Variants in GPHN observed in about 807,000 individuals in gnomAD.
GPHN encodes the protein gephyrin.
Under a neutral mutation model 95.5 loss-of-function variants are expected in GPHN, and 17 were observed. The ratio of observed to expected loss-of-function variants is 0.18; its 90% CI spans 0.12 to 0.27. GPHN has a LOEUF of 0.27. GPHN is among the 10% of genes least tolerant of loss of function. GPHN has a pLI of 1.00. For missense variants in GPHN, 660 were observed against 978.1 expected (o/e 0.67, Z 4.34); for synonymous variants, 320 against 322.5 (o/e 0.99, Z 0.08).
the GPHN span, among the ~76,000 whole-genome samples, chr14:67,191,139 C>T: frequency 2.0e-4 from 31 of 152,302 alleles, 1 homozygote; most frequent in Admixed American, 1.8e-3. Context: ...GAGGCTGAAG[C>T]ATGAGAATCA....
intron 1 of GPHN, among the ~76,000 whole-genome samples, chr14:66,562,546 G>T (rs2060303492): frequency 6.6e-6 from 1 of 152,136 alleles, no homozygotes; most frequent in Admixed American, 6.6e-5. Context: ...ACACAGGAGA[G>T]TACTCAATGA....
At chr14:67,089,826 G>A (rs1489402562) in intron 12 of GPHN, among the ~76,000 whole-genome samples, 1 of 152,090 alleles carries the variant, frequency 6.6e-6, no homozygotes, top group Non-Finnish European at 1.5e-5. Flanking sequence ...AAGCTTAAAA[G>A]CAAATACTAA....
At chr14:67,552,481 G>A in the GPHN span, among the ~76,000 whole-genome samples, 1 of 152,214 alleles carries the variant, frequency 6.6e-6, no homozygotes, top group Non-Finnish European at 1.5e-5. Flanking sequence ...TGGATAAGAA[G>A]GACTGGCTGG....
the GPHN span, among the ~76,000 whole-genome samples, chr14:67,465,379 G>A: frequency 1.5e-5 from 2 of 129,990 alleles, no homozygotes; most frequent in Non-Finnish European, 3.7e-5. Flanking sequence ...ATGGCACAGG[G>A]CTGGGGCAGA....
the GPHN span, chr14:67,336,456 A>G: frequency 4.7e-6 from 1 of 210,620 alleles, no homozygotes. Context: ...TATTTTAACA[A>G]GGCCAATACA....
the GPHN span, among the ~76,000 whole-genome samples, chr14:67,218,988 A>G: frequency 6.6e-6 from 1 of 151,684 alleles, no homozygotes; most frequent in Non-Finnish European, 1.5e-5. Context: ...GGCTTGGTGG[A>G]ATGGAGATGG....
chr14:66,794,179 A>T (rs2060076628), intron 3 of GPHN, among the ~76,000 whole-genome samples: 1 of 152,124 alleles, frequency 6.6e-6, no homozygotes, highest in South Asian at 2.1e-4. Context: ...GTGGGAGGTG[A>T]CTGGATCATG....
intron 5 of GPHN, among the ~76,000 whole-genome samples, chr14:66,913,721 GT>G (rs2065783857): frequency 6.6e-6 from 1 of 151,970 alleles, no homozygotes; most frequent in Non-Finnish European, 1.5e-5. Flanking sequence ...ATGCTTTAAT[GT>G]TCTACATTTT....
intron 8 of GPHN, among the ~76,000 whole-genome samples, chr14:66,951,783 A>T (rs1363245391): frequency 6.6e-6 from 1 of 152,214 alleles, no homozygotes; most frequent in African/African-American, 2.4e-5. Flanking sequence ...CACTTATTGT[A>T]TGATAATTTA....
chr14:67,402,008 G>A, the GPHN span, among the ~76,000 whole-genome samples: 1 of 152,276 alleles, frequency 6.6e-6, no homozygotes, highest in African/African-American at 2.4e-5. Context: ...GCACATGCCT[G>A]TAATCCCAGC....
At chr14:67,465,276 G>A in the GPHN span, among the ~76,000 whole-genome samples, 1 of 152,258 alleles carries the variant, frequency 6.6e-6, no homozygotes, top group Non-Finnish European at 1.5e-5. Context: ...GCTAAGAGGA[G>A]AAAGAGTGTT....
At chr14:67,224,193 C>A in the GPHN span, among the ~76,000 whole-genome samples, 1 of 151,470 alleles carries the variant, frequency 6.6e-6, no homozygotes, top group Non-Finnish European at 1.5e-5. Context: ...TTTATGACAA[C>A]TTTATGCATG....
chr14:67,603,084 T>TTGTTTTGTTC, the GPHN span, among the ~76,000 whole-genome samples: 1 of 152,070 alleles, frequency 6.6e-6, no homozygotes, highest in Non-Finnish European at 1.5e-5. Context: ...TTGTTTTGTT[T>TTGTTTTGTTC]GAGGCAAGGT....
At chr14:67,228,642 G>T in the GPHN span, 1 of 152,130 alleles carries the variant, frequency 6.6e-6, no homozygotes, top group African/African-American at 2.4e-5. Context: ...TATGCAAAAC[G>T]GTAAGATTTT....
At chr14:67,298,181 A>G in the GPHN span, among the ~76,000 whole-genome samples, 1 of 152,210 alleles carries the variant, frequency 6.6e-6, no homozygotes, top group East Asian at 1.9e-4. Context: ...TCAGAACTAG[A>G]ATGGTCATAT....
chr14:67,607,460 A>G, the GPHN span, among the ~76,000 whole-genome samples: 19 of 151,938 alleles, frequency 1.3e-4, no homozygotes, highest in African/African-American at 4.3e-4. Flanking sequence ...TCTGCCTCCC[A>G]GGTTCAAGAG....
At chr14:66,967,406 C>A (rs555834331) in intron 9 of GPHN, among the ~76,000 whole-genome samples, 8 of 151,998 alleles carry the variant, frequency 5.3e-5, no homozygotes, top group South Asian at 2.1e-4. Context: ...AAACTAGGTG[C>A]TTTTATAAGT....
intron 11 of GPHN, among the ~76,000 whole-genome samples, chr14:67,059,419 A>G (rs998686393): frequency 6.6e-6 from 1 of 152,164 alleles, no homozygotes; most frequent in Non-Finnish European, 1.5e-5. Context: ...TCTCCCCAAC[A>G]CCAAAAAGAG....
At chr14:67,382,380 C>G in the GPHN span, 1 of 1,426,042 alleles carries the variant, frequency 7.0e-7, no homozygotes, top group Non-Finnish European at 9.6e-7. Context: ...AATAAAATCT[C>G]AAGCATCCTA....
Sources: gnomAD v4.1 joint callset for allele counts (sites outside exome capture counted in the v4.1 genomes callset) on GRCh38, gnomAD v4.1.1 for gene constraint, MANE v1.5 for transcripts, NCBI Gene and HGNC (gene_info 2026-07-23, HGNC 2026-07-21) for gene names.